Variants in MRPS6 observed in about 807,000 individuals in gnomAD.
The protein encoded by MRPS6 is mitochondrial ribosomal protein S6.
Under a neutral mutation model 13.1 loss-of-function variants are expected in MRPS6, and 6 were observed. The ratio of observed to expected loss-of-function variants is 0.46; its 90% CI spans 0.25 to 0.91. The LOEUF is 0.91. MRPS6 is among the 40% of genes least tolerant of loss of function. The pLI, the probability that MRPS6 is intolerant of heterozygous loss-of-function variation, is 0.18. For synonymous variants in MRPS6, 61 were observed against 56.5 expected, an observed-to-expected ratio of 1.08 and a Z score of -0.36; for missense variants, 164 against 155.6, an observed-to-expected ratio of 1.05 and a Z score of -0.29.
chr21:34,081,651 C>T (rs1055026355), intron 1 of MRPS6, among the ~76,000 whole-genome samples: 25 of 152,038 alleles, frequency 1.6e-4, no homozygotes, highest in African/African-American at 4.8e-4. Flanking sequence ...ATCCTCAGTT[C>T]CTTCTTTGTA....
chr21:34,106,899 T>A (rs77548598), intron 1 of MRPS6, among the ~76,000 whole-genome samples: 1,607 of 152,226 alleles, frequency 0.011, 35 homozygotes, highest in African/African-American at 0.037. Context: ...CTGGACTACT[T>A]CTTGGATTTT....
intron 1 of MRPS6, among the ~76,000 whole-genome samples, chr21:34,079,695 C>T (rs1035424187): frequency 2.8e-4 from 41 of 147,062 alleles, no homozygotes; most frequent in Admixed American, 1.5e-3. Context: ...GTGATCTGCC[C>T]GCTTTGGTCT....
intron 1 of MRPS6, chr21:34,101,981 A>G (rs1979258113): frequency 1.0e-6 from 1 of 1,000,226 alleles, no homozygotes; most frequent in African/African-American, 1.7e-5. Context: ...TTGCAGTAAA[A>G]GTAAAAATTT....
At chr21:34,118,642 G>C (rs1319626883) in intron 1 of MRPS6, among the ~76,000 whole-genome samples, 3 of 149,638 alleles carry the variant, frequency 2.0e-5, no homozygotes, top group Non-Finnish European at 3.0e-5. Flanking sequence ...AGCCACCCGA[G>C]TAGTTGGGAC....
rs199990460 is a variant in MRPS6 at position 34,103,316 on chromosome 21, A to T, written c.46-22025A>T. On this transcript the variant is annotated intron_variant, in intron 1 of 2. Coordinates refer to ENST00000399312, the MANE Select transcript of MRPS6 (RefSeq NM_032476.4). Reference sequence around the variant, plus strand: ...TTTTGTCGTAACTAGTGAAGGAAGTAAAAAAAAAAAAAAAACATGCATTAC... The same window carrying T: ...TTTTGTCGTAACTAGTGAAGGAAGTTAAAAAAAAAAAAAAACATGCATTAC... 1.5e-3 allele frequency: 321 copies of T among 215,938 alleles called. 5 individuals are homozygous for T. The East Asian group carries it at 0.12, about 83-fold the overall frequency. 13.4% of individuals were successfully genotyped at this position (215,938 alleles called of 1,614,324 possible). A position where few individuals can be genotyped will look rare whatever the true frequency, so the allele number is the denominator to read the frequency against.
intron 1 of MRPS6, chr21:34,100,363 G>A: frequency 1.0e-6 from 1 of 1,000,084 alleles, no homozygotes; most frequent in Non-Finnish European, 1.2e-6. Context: ...ATTCTGTTCT[G>A]CCACCCCCAG....
intron 2 of MRPS6, among the ~76,000 whole-genome samples, chr21:34,139,661 T>G (rs756469988): frequency 6.6e-6 from 1 of 152,132 alleles, no homozygotes; most frequent in Non-Finnish European, 1.5e-5. Context: ...CACTGCAGCG[T>G]GGACCTCCTG....
chr21:34,127,095 G>A (rs1189597749), intron 2 of MRPS6, among the ~76,000 whole-genome samples: 2 of 152,166 alleles, frequency 1.3e-5, no homozygotes, highest in Non-Finnish European at 1.5e-5. Context: ...CATGTGCCTC[G>A]CTGAGGAATA....
chr21:34,112,143 C>G (rs1045395122), intron 1 of MRPS6, among the ~76,000 whole-genome samples: 2 of 152,116 alleles, frequency 1.3e-5, no homozygotes, highest in African/African-American at 4.8e-5. Flanking sequence ...TCAGTATAAT[C>G]TTTTCTTCCT....
intron 1 of MRPS6, chr21:34,102,068 T>C (rs777700354): frequency 2.6e-5 from 26 of 999,932 alleles, no homozygotes; most frequent in Non-Finnish European, 2.9e-5. Context: ...AATCTTTCGA[T>C]TGCTAGACTT....
At chr21:34,132,982 A>C (rs1346151745) in intron 2 of MRPS6, among the ~76,000 whole-genome samples, 1 of 152,198 alleles carries the variant, frequency 6.6e-6, no homozygotes, top group African/African-American at 2.4e-5. Flanking sequence ...GGCAACGTGT[A>C]GGAAACCACT....
chr21:34,119,764 G>C (rs1477973966), intron 1 of MRPS6, among the ~76,000 whole-genome samples: 1 of 152,108 alleles, frequency 6.6e-6, no homozygotes, highest in Non-Finnish European at 1.5e-5. Context: ...TTCTCTTCTG[G>C]GATGAAAATA....
At chr21:34,125,203 C>T in intron 1 of MRPS6, 138 bp from the exon 2 acceptor site, 1 of 1,323,940 alleles carries the variant, frequency 7.6e-7, no homozygotes, top group Non-Finnish European at 1.0e-6. Context: ...TTAACCAAAA[C>T]CAGCTTCTGT....
chr21:34,112,682 G>T (rs539141925), intron 1 of MRPS6, among the ~76,000 whole-genome samples: 1 of 151,844 alleles, frequency 6.6e-6, no homozygotes, highest in South Asian at 2.1e-4. Flanking sequence ...CTCTGTCTAT[G>T]ATTATATATC....
At chr21:34,073,776 C>T (rs757761675) in intron 1 of MRPS6, 31 bp downstream of exon 1, 121 of 1,456,822 alleles carry the variant, frequency 8.3e-5, no homozygotes, top group Non-Finnish European at 1.0e-4. Flanking sequence ...GCCGGTCTTC[C>T]CGCGCGGGCG....
At chr21:34,124,089 T>C (rs1980218137) in intron 1 of MRPS6, 1 of 152,226 alleles carries the variant, frequency 6.6e-6, no homozygotes, top group African/African-American at 2.4e-5. Flanking sequence ...CAGAGAGCCG[T>C]CTGTGCAGGT....
At chr21:34,101,723 C>T in intron 1 of MRPS6, 20 of 992,888 alleles carry the variant, frequency 2.0e-5, no homozygotes, top group Non-Finnish European at 2.4e-5. Flanking sequence ...CTTTTAGATC[C>T]AAATAATGAC....
intron 1 of MRPS6, among the ~76,000 whole-genome samples, chr21:34,077,340 T>C (rs1354931796): frequency 1.3e-5 from 2 of 152,228 alleles, no homozygotes; most frequent in Non-Finnish European, 2.9e-5. Flanking sequence ...GAAAGAAATC[T>C]GTGCAATACA....
intron 1 of MRPS6, chr21:34,105,259 C>T (rs992860529): frequency 9.0e-6 from 9 of 1,000,058 alleles, no homozygotes; most frequent in Non-Finnish European, 9.6e-6. Context: ...TTTGTCCAGA[C>T]CCATGTTGGC....
Sources: gnomAD v4.1 joint callset for allele counts (sites outside exome capture counted in the v4.1 genomes callset) on GRCh38, gnomAD v4.1.1 for gene constraint, MANE v1.5 for transcripts, NCBI Gene and HGNC (gene_info 2026-07-23, HGNC 2026-07-21) for gene names.